The following TRIM22 variants were observed in gnomAD, a reference collection of about 807,000 sequenced individuals.
TRIM22 encodes the protein tripartite motif containing 22.
TRIM22 carries 45 observed loss-of-function variants against 53.6 expected under a neutral mutation model. The ratio of observed to expected loss-of-function variants is 0.84; its 90% CI spans 0.66 to 1.08. The LOEUF is 1.08. Among genes scored for constraint, TRIM22 ranks in the 50% least tolerant of loss-of-function variants. The pLI is 0.00. For missense variants in TRIM22, 616 were observed against 590.9 expected (o/e 1.04, Z -0.44); for synonymous variants, 225 against 216.6 (o/e 1.04, Z -0.34).
At chr11:5,694,471 C>T (rs1229747142) in intron 1 of TRIM22, among the ~76,000 whole-genome samples, 1 of 152,184 alleles carries the variant, frequency 6.6e-6, no homozygotes, top group Non-Finnish European at 1.5e-5. Flanking sequence ...CTGGATCTCT[C>T]CATTTCTATA....
intron 2 of TRIM22, 88 bp from the exon 3 acceptor site, chr11:5,697,160 G>A (rs768542930): frequency 4.0e-6 from 4 of 994,606 alleles, no homozygotes; most frequent in Non-Finnish European, 5.9e-6. Flanking sequence ...AGTTTCTTCT[G>A]AGAGCCATCC....
In TRIM22 at chr11:5,697,350, G is replaced by T. The variant is rs1314273753; in HGVS notation, c.519+7G>T. On this transcript the variant is annotated splice_region_variant and intron_variant, in intron 3 of 7. Coordinates refer to ENST00000379965, the MANE Select transcript of TRIM22 (RefSeq NM_006074.5). ...AGAGAGAACCGCCTGGAAGGCAGGA[G>T]GAGACACCTCCTAAGGGATAATTAG... is the stretch of plus-strand genomic sequence containing the variant. 1 of 1,608,008 alleles carries T rather than the reference G, an allele frequency of 6.2e-7. No homozygotes were observed. The highest frequency in any genetic ancestry group is 1.3e-5 in the African/African-American group (1 of 74,768).
chr11:5,708,225 A>G lies in TRIM22; in HGVS notation c.826A>G (p.Ser276Gly). 6.2e-7 allele frequency: 1 copy of G among 1,614,218 alleles called. No individual in the cohort carries two copies. Among genetic ancestry groups the G allele is most frequent in the Non-Finnish European group, 8.5e-7 (1 of 1,180,032 alleles). Residue 276 changes from serine (S) to glycine (G), a missense_variant, in exon 6 of 8, where the codon AGT becomes GGT. By Grantham distance (56) the Ser-to-Gly change is moderately conservative. Coordinates refer to ENST00000379965, the MANE Select transcript of TRIM22 (RefSeq NM_006074.5). ...KPKSVSKKLKSVFRVPDLSGM... is the reference protein window; with the variant it reads ...KPKSVSKKLKGVFRVPDLSGM... Reference sequence around the variant, plus strand: ...AAAATCTGTTTCCAAGAAACTAAAGAGTGTATTCCGAGTACCAGATCTGAG... The same window carrying G: ...AAAATCTGTTTCCAAGAAACTAAAGGGTGTATTCCGAGTACCAGATCTGAG...
chr11:5,704,748 G>T (rs111482902), intron 4 of TRIM22, among the ~76,000 whole-genome samples: 53 of 152,062 alleles, frequency 3.5e-4, no homozygotes, highest in African/African-American at 1.2e-3. Flanking sequence ...TTTTCTTCTA[G>T]GAGTTTTATA....
At position 5,698,462 on chromosome 11, in the gene TRIM22, C is replaced by T; in HGVS notation, c.667C>T (p.Leu223=). The change falls in exon 4 of 8, where the codon CTG becomes TTG. Residue 223 remains leucine (L), a synonymous_variant. Transcript: ENST00000379965. ...TAACCTGGCAGCAGCTACAGACCAG[C>T]TGGTCCAGCAGAGGCAGGATGCCAG... is the stretch of plus-strand genomic sequence containing the variant. ...LDNLAAATDQ[L]VQQRQDASTL... is the part of the protein sequence containing the mutation. 1 of 1,614,130 alleles carries T rather than the reference C, an allele frequency of 6.2e-7. No homozygotes were observed. Among genetic ancestry groups the T allele is most frequent in the East Asian group, 2.2e-5 (1 of 44,880 alleles).
intron 4 of TRIM22, among the ~76,000 whole-genome samples, chr11:5,702,385 AACAT>A (rs1426533338): frequency 6.8e-6 from 1 of 147,122 alleles, no homozygotes; most frequent in African/African-American, 2.5e-5. Flanking sequence ...ATATAAAACA[AACAT>A]ACAAATATAT....
chr11:5,693,954 T>C (rs11038741), intron 1 of TRIM22, among the ~76,000 whole-genome samples: 48,271 of 151,930 alleles, frequency 0.32, 7,731 homozygotes, highest in South Asian at 0.42. Context: ...TAGCTTCTAA[T>C]AGTTTCCTGG....
At chr11:5,691,771 A>G (rs570284719) in intron 1 of TRIM22, among the ~76,000 whole-genome samples, 2 of 152,248 alleles carry the variant, frequency 1.3e-5, no homozygotes, top group African/African-American at 4.8e-5. Context: ...CTTATCGCTG[A>G]GCATTTTGTA....
intron 1 of TRIM22, among the ~76,000 whole-genome samples, chr11:5,694,427 A>T: frequency 6.6e-6 from 1 of 152,230 alleles, no homozygotes; most frequent in East Asian, 1.9e-4. Flanking sequence ...TCAACATTTA[A>T]AACCACAGCA....
chr11:5,709,299 G>C lies in TRIM22; in HGVS notation c.1148G>C (p.Ser383Thr), dbSNP rs1853517963. The change falls in exon 8 of 8, where the codon AGC becomes ACC. Residue 383 changes from serine (S) to threonine (T), a missense_variant. Physicochemically the swap from Ser to Thr is moderately conservative, Grantham distance 58. Coordinates refer to ENST00000379965, the MANE Select transcript of TRIM22 (RefSeq NM_006074.5). ...ATAAGTAGTCTGAATAAAAGGAAGA[G>C]CTCTGGGTTTGCTTTTGATCCAAGT... ...SKISSLNKRK[S>T]SGFAFDPSVN... The C allele has an allele frequency of 6.2e-7, 1 of 1,614,016 alleles. No individual in the cohort carries two copies. Among genetic ancestry groups the C allele is most frequent in the Non-Finnish European group, 8.5e-7 (1 of 1,180,004 alleles).
rs1425422691 is a variant in TRIM22 at position 5,708,604 on chromosome 11, G to C, written c.901+1G>C. 1.2e-6 allele frequency: 2 copies of C among 1,607,022 alleles called. No homozygotes were observed. Among genetic ancestry groups the C allele is most frequent in the African/African-American group, 2.7e-5 (2 of 74,408 alleles). On this transcript the variant is annotated splice_donor_variant, in intron 7 of 7. Transcript: ENST00000379965. LOFTEE classifies it high-confidence loss of function. ...CTGACAGATGTCCAGTACTACTGGG[G>C]TAAGATGATATGGGGTTTTCAAATC...
At position 5,696,277 on chromosome 11, in the gene TRIM22, C is replaced by T; in HGVS notation, c.45C>T (p.Cys15=). ...TAGACATAGAGAAGGAGGTGACCTG[C>T]CCCATCTGCCTGGAGCTCCTGACAG... ...VKVDIEKEVT[C]PICLELLTEP... Residue 15 remains cysteine, a synonymous_variant, in exon 2 of 8, where the codon TGC becomes TGT. Transcript: ENST00000379965. 1 of 1,613,842 alleles carries T rather than the reference C, an allele frequency of 6.2e-7. No homozygotes were observed. Among genetic ancestry groups the T allele is most frequent in the East Asian group, 2.2e-5 (1 of 44,880 alleles).
chr11:5,691,518 C>A (rs1373148561), intron 1 of TRIM22, among the ~76,000 whole-genome samples: 1 of 152,152 alleles, frequency 6.6e-6, no homozygotes, highest in African/African-American at 2.4e-5. Context: ...TTCATTTCTG[C>A]CTTTTAGTTT....
chr11:5,698,322 T>G lies in TRIM22; in HGVS notation c.527T>G (p.Ile176Ser). 1 of 1,613,990 alleles carries G rather than the reference T, an allele frequency of 6.2e-7. No individual in the cohort carries two copies. The highest frequency in any genetic ancestry group is 8.5e-7 in the Non-Finnish European group (1 of 1,179,838). ...TCTCTTTTCATTCCCAAGAATTATATCCAGATCGAGAGACAGAAGATTCTG... is the reference window on the plus strand; with the variant it reads ...TCTCTTTTCATTCCCAAGAATTATAGCCAGATCGAGAGACAGAAGATTCTG... ...RQERTAWKNY[I>S]QIERQKILKG... Residue 176 changes from isoleucine to serine, a missense_variant, in exon 4 of 8, where the codon ATC becomes AGC. Ile to Ser is a moderately radical substitution (Grantham distance 142). Coordinates refer to ENST00000379965, the MANE Select transcript of TRIM22 (RefSeq NM_006074.5).
At chr11:5,691,690 T>A (rs1458602589) in intron 1 of TRIM22, among the ~76,000 whole-genome samples, 31 of 152,230 alleles carry the variant, frequency 2.0e-4, no homozygotes, top group Admixed American at 2.0e-3. Context: ...TTACCTCAAC[T>A]CCCTACTCAA....
At chr11:5,697,111 C>T (rs948983888) in intron 2 of TRIM22, 137 bp from the exon 3 acceptor site, 1 of 621,298 alleles carries the variant, frequency 1.6e-6, no homozygotes, top group African/African-American at 1.8e-5. Flanking sequence ...TCCCCCATGC[C>T]ATAGGTTCTA....
chr11:5,693,060 A>T (rs11819759), intron 1 of TRIM22, among the ~76,000 whole-genome samples: 77,088 of 150,648 alleles, frequency 0.51, 19,634 homozygotes, highest in East Asian at 0.6. Flanking sequence ...ATATATATAT[A>T]TTTTTTAGTA....
At position 5,699,381 on chromosome 11, in the gene TRIM22, G is replaced by A. The variant is rs1016638026; in HGVS notation, c.750+836G>A. ...CTACTAAAAATACAAAAAATTAGCC[G>A]GGCGCGGTGGCGGGCGCCTGTAGTC... On this transcript the variant is annotated intron_variant, in intron 4 of 7. Coordinates refer to ENST00000379965, the MANE Select transcript of TRIM22 (RefSeq NM_006074.5). 3.1e-4 allele frequency among the ~76,000 whole-genome samples: 45 copies of A among 143,194 alleles called. 3 individuals are homozygous for A. The highest frequency in any genetic ancestry group is 5.9e-4 in the East Asian group (3 of 5,080). The allele number at this position is 143,194 out of a possible 152,430, so 93.9% of individuals were successfully genotyped here.
intron 4 of TRIM22, among the ~76,000 whole-genome samples, chr11:5,699,977 A>G (rs991633228): frequency 1.2e-4 from 18 of 151,720 alleles, no homozygotes; most frequent in Middle Eastern, 3.4e-3. Flanking sequence ...TTAATCTTGT[A>G]TATTGCAACC....
Sources: gnomAD v4.1 joint callset for allele counts (sites outside exome capture counted in the v4.1 genomes callset) on GRCh38, gnomAD v4.1.1 for gene constraint, MANE v1.5 for transcripts, NCBI Gene and HGNC (gene_info 2026-07-23, HGNC 2026-07-21) for gene names.